CYRIA: variants seen among roughly 807,000 people sequenced by gnomAD.
CYRIA encodes the protein CYFIP-related Rac1 interactor A.
A neutral mutation model predicts 43.9 loss-of-function variants in CYRIA; 15 were observed. The observed-to-expected ratio is 0.34, with a 90% CI of 0.23 to 0.53. The LOEUF (loss-of-function observed/expected upper bound fraction) is 0.53, where lower values mean the gene tolerates loss of function less well. Among genes scored for constraint, CYRIA ranks in the 20% least tolerant of loss-of-function variants. CYRIA has a pLI of 0.94. For missense variants in CYRIA, 236 were observed against 394.2 expected, an observed-to-expected ratio of 0.60 and a Z score of 3.40; for synonymous variants, 117 against 136.0, an observed-to-expected ratio of 0.86 and a Z score of 0.97.
At chr2:16,571,557 C>T (rs919701597) in intron 3 of CYRIA, among the ~76,000 whole-genome samples, 5 of 152,202 alleles carry the variant, frequency 3.3e-5, no homozygotes, top group African/African-American at 7.2e-5. Flanking sequence ...CCTAACAACC[C>T]GTTTAGGACT....
intron 2 of CYRIA, among the ~76,000 whole-genome samples, chr2:16,621,245 C>T (rs1168094553): frequency 2.0e-5 from 3 of 152,178 alleles, no homozygotes; most frequent in African/African-American, 7.2e-5. Context: ...TCCAAGAGAA[C>T]AGGTAAAAGT....
rs980279325 is a variant in CYRIA at position 16,630,642 on chromosome 2, G to A, written c.-166-6623C>T. On this transcript the variant is annotated intron_variant, in intron 1 of 11. Coordinates refer to ENST00000381323, the MANE Select transcript of CYRIA (RefSeq NM_030797.4). ...TGCCTGAACACAACCGCTGGGGTGG[G>A]TTCCTTCTCCTTGAGACTGCATTTT... 2.0e-5 allele frequency among the ~76,000 whole-genome samples: 3 copies of A among 152,266 alleles called. No individual in the cohort carries two copies. In the South Asian group the frequency reaches 6.2e-4, roughly 32 times the overall value.
intron 1 of CYRIA, among the ~76,000 whole-genome samples, chr2:16,635,106 A>G (rs1168751574): frequency 6.6e-6 from 1 of 152,208 alleles, no homozygotes; most frequent in East Asian, 1.9e-4. Flanking sequence ...TAAATGTAAA[A>G]TAGGGAGGAG....
chr2:16,574,753 A>C (rs1667269164), intron 3 of CYRIA, among the ~76,000 whole-genome samples: 2 of 152,204 alleles, frequency 1.3e-5, no homozygotes, highest in African/African-American at 4.8e-5. Flanking sequence ...GGGAATCTCC[A>C]GATTTCAGAA....
chr2:16,612,169 G>A (rs1668628466), intron 2 of CYRIA, among the ~76,000 whole-genome samples: 1 of 152,182 alleles, frequency 6.6e-6, no homozygotes, highest in South Asian at 2.1e-4. Context: ...CAGGGAATGT[G>A]TGTGGCTGAA....
chr2:16,616,016 A>T (rs148484696), intron 2 of CYRIA, among the ~76,000 whole-genome samples: 2,267 of 152,306 alleles, frequency 0.015, 23 homozygotes, highest in South Asian at 0.04. Flanking sequence ...CCCCAGAAGG[A>T]CAGAGCAATC....
chr2:16,619,198 T>C (rs1474336641), intron 2 of CYRIA, among the ~76,000 whole-genome samples: 1 of 152,188 alleles, frequency 6.6e-6, no homozygotes, highest in African/African-American at 2.4e-5. Flanking sequence ...TCCATTCATC[T>C]TGCAGCCAGC....
In CYRIA at chr2:16,561,553, A is replaced by G; in HGVS notation, c.436-20T>C. 1 of 1,595,770 alleles carries G rather than the reference A, an allele frequency of 6.3e-7. No individual in the cohort carries two copies. The highest frequency in any genetic ancestry group is 8.6e-7 in the Non-Finnish European group (1 of 1,163,494). On this transcript the variant is annotated intron_variant, in intron 6 of 11. Coordinates refer to ENST00000381323, the MANE Select transcript of CYRIA (RefSeq NM_030797.4). Reference sequence around the variant, plus strand: ...CCTCATCTGAAATTCAGAGGACAAGAGCGAAGGTCATCTCTCAGTATCAGA... The same window carrying G: ...CCTCATCTGAAATTCAGAGGACAAGGGCGAAGGTCATCTCTCAGTATCAGA...
intron 2 of CYRIA, among the ~76,000 whole-genome samples, chr2:16,621,188 T>C (rs962124808): frequency 1.3e-5 from 2 of 152,172 alleles, no homozygotes; most frequent in Admixed American, 1.3e-4. Flanking sequence ...TGATCCTCCT[T>C]CTACCCTGAA....
chr2:16,613,845 A>G (rs931983594), intron 2 of CYRIA, among the ~76,000 whole-genome samples: 1 of 152,244 alleles, frequency 6.6e-6, no homozygotes. Context: ...TAGTAACTCA[A>G]TTGCTGCTTC....
intron 1 of CYRIA, among the ~76,000 whole-genome samples, chr2:16,649,397 A>G (rs1375866350): frequency 6.6e-6 from 1 of 152,108 alleles, no homozygotes; most frequent in Non-Finnish European, 1.5e-5. Flanking sequence ...TGTACAGTAC[A>G]GGGGATGGTT....
chr2:16,586,602 G>C (rs1667735909), intron 3 of CYRIA, among the ~76,000 whole-genome samples: 1 of 150,572 alleles, frequency 6.6e-6, no homozygotes, highest in African/African-American at 2.4e-5. Context: ...AAGCTTTGGG[G>C]ACACTTTTCC....
intron 1 of CYRIA, among the ~76,000 whole-genome samples, chr2:16,630,173 A>G (rs1669286996): frequency 6.6e-6 from 1 of 152,176 alleles, no homozygotes; most frequent in Admixed American, 6.5e-5. Context: ...CAGTGCTCCT[A>G]TTATCCACAT....
At chr2:16,620,108 C>T (rs560190862) in intron 2 of CYRIA, among the ~76,000 whole-genome samples, 7 of 152,330 alleles carry the variant, frequency 4.6e-5, no homozygotes, top group Admixed American at 6.5e-5. Context: ...CTGATGTTCA[C>T]GGCCCAACAC....
chr2:16,569,377 A>T (rs1667051056), intron 3 of CYRIA, among the ~76,000 whole-genome samples: 1 of 152,152 alleles, frequency 6.6e-6, no homozygotes, highest in South Asian at 2.1e-4. Context: ...CAGTGGTGGG[A>T]TGCGGTAGGA....
chr2:16,637,672 C>A (rs1241702258), intron 1 of CYRIA, among the ~76,000 whole-genome samples: 1 of 152,210 alleles, frequency 6.6e-6, no homozygotes, highest in Non-Finnish European at 1.5e-5. Context: ...AATTAACAAA[C>A]CCCTAATATA....
chr2:16,584,072 C>T (rs1001196966), intron 3 of CYRIA, among the ~76,000 whole-genome samples: 4 of 152,158 alleles, frequency 2.6e-5, no homozygotes, highest in African/African-American at 9.6e-5. Flanking sequence ...TGCTGTTCAG[C>T]CTTCCTCCTT....
At chr2:16,575,451 C>T (rs1398250126) in intron 3 of CYRIA, among the ~76,000 whole-genome samples, 2 of 152,072 alleles carry the variant, frequency 1.3e-5, no homozygotes, top group Admixed American at 1.3e-4. Context: ...CTTGAATTCC[C>T]ACATGTTGTG....
intron 3 of CYRIA, among the ~76,000 whole-genome samples, chr2:16,576,232 G>A (rs1667343160): frequency 6.6e-6 from 1 of 152,126 alleles, no homozygotes; most frequent in East Asian, 1.9e-4. Flanking sequence ...GCATTTATTG[G>A]GTACTTGTTA....
Sources: gnomAD v4.1 joint callset for allele counts (sites outside exome capture counted in the v4.1 genomes callset) on GRCh38, gnomAD v4.1.1 for gene constraint, MANE v1.5 for transcripts, NCBI Gene and HGNC (gene_info 2026-07-23, HGNC 2026-07-21) for gene names.